Variants in TBC1D22A observed in about 807,000 individuals in gnomAD.
The protein encoded by TBC1D22A is TBC1 domain family member 22A, also known as putative GTPase activator.
In TBC1D22A, 38 loss-of-function variants were observed where a neutral mutation model predicts 60.2. The observed-to-expected ratio is 0.63, with a 90% CI of 0.49 to 0.83. The LOEUF (loss-of-function observed/expected upper bound fraction) is 0.83. Ranked by LOEUF, TBC1D22A falls within the 40% of genes least tolerant of loss-of-function variation. TBC1D22A has a pLI of 0.00. For synonymous variants in TBC1D22A, 302 were observed against 281.7 expected (o/e 1.07, Z -0.72); for missense variants, 628 against 701.0 (o/e 0.90, Z 1.18).
At chr22:46,830,458 G>C (rs925606333) in intron 4 of TBC1D22A, among the ~76,000 whole-genome samples, 3 of 152,248 alleles carry the variant, frequency 2.0e-5, no homozygotes, top group Non-Finnish European at 4.4e-5. Flanking sequence ...GCTGTGAGCA[G>C]CTCTGTGTGT....
intron 5 of TBC1D22A, among the ~76,000 whole-genome samples, chr22:46,884,451 A>G (rs373646002): frequency 1.3e-5 from 2 of 152,200 alleles, no homozygotes; most frequent in South Asian, 4.1e-4. Flanking sequence ...GAGAACAGTA[A>G]GTAACAGGAA....
intron 1 of TBC1D22A, among the ~76,000 whole-genome samples, chr22:46,766,788 G>A (rs967519739): frequency 2.6e-5 from 4 of 151,908 alleles, no homozygotes; most frequent in African/African-American, 4.8e-5. Flanking sequence ...CGCCCGCCTT[G>A]GCCTCCCCAA....
At chr22:47,055,730 T>C (rs1414997753) in intron 11 of TBC1D22A, among the ~76,000 whole-genome samples, 2 of 151,956 alleles carry the variant, frequency 1.3e-5, no homozygotes, top group African/African-American at 2.4e-5. Context: ...TTCTGGCCCC[T>C]TGGGGCCAGG....
rs371232752 is a variant in TBC1D22A, at chr22:46,888,276, C to T, written c.709-2990C>T. Reference sequence around the variant, plus strand: ...GTCCTGAAAGAAGAGGCTTCCCATCCGGACCACAAGGGTTGGGCAGAGGGT... The same window carrying T: ...GTCCTGAAAGAAGAGGCTTCCCATCTGGACCACAAGGGTTGGGCAGAGGGT... On this transcript the variant is annotated intron_variant, in intron 5 of 12. Coordinates refer to ENST00000337137, the MANE Select transcript of TBC1D22A (RefSeq NM_014346.5). Among the ~76,000 whole-genome samples the T allele has an allele frequency of 3.8e-4, 58 of 152,316 alleles. No individual in the cohort carries two copies. In the East Asian group the frequency reaches 6.8e-3, roughly 18 times the overall value.
At chr22:46,920,678 A>C (rs2147838590) in intron 8 of TBC1D22A, among the ~76,000 whole-genome samples, 1 of 152,334 alleles carries the variant, frequency 6.6e-6, no homozygotes, top group East Asian at 1.9e-4. Flanking sequence ...TCCCTACAGA[A>C]AGTTTTTGTG....
rs184231280 is a variant in TBC1D22A at position 46,870,930 on chromosome 22, T to C, written c.638-7723T>C. 2.3e-4 allele frequency among the ~76,000 whole-genome samples: 35 copies of C among 152,280 alleles called. 1 individual carries two copies. Among genetic ancestry groups the C allele is most frequent in the Admixed American group, 2.1e-3 (32 of 15,296 alleles). On this transcript the variant is annotated intron_variant, in intron 4 of 12. Coordinates refer to ENST00000337137, the MANE Select transcript of TBC1D22A (RefSeq NM_014346.5). The stretch of plus-strand genomic sequence containing the variant: ...CACTGGGGATTAACTTTCCAACACA[T>C]GAATTTTTGGAGGGGACAAAAACAT...
At chr22:46,823,783 G>T (rs2085930101) in intron 4 of TBC1D22A, among the ~76,000 whole-genome samples, 1 of 152,226 alleles carries the variant, frequency 6.6e-6, no homozygotes, top group Non-Finnish European at 1.5e-5. Flanking sequence ...CAGCACTTCT[G>T]GGGTAAGAGC....
At position 46,985,965 on chromosome 22, in the gene TBC1D22A, T is replaced by G. The variant is rs545738940; in HGVS notation, c.1125+11566T>G. On this transcript the variant is annotated intron_variant, in intron 9 of 12. Coordinates refer to ENST00000337137, the MANE Select transcript of TBC1D22A (RefSeq NM_014346.5). ...ATCGAATTTATCATTTTTTTTCTTT[T>G]GTGGTAATAGTTTTCTGTGTCCTGC... 2.4e-4 allele frequency among the ~76,000 whole-genome samples: 36 copies of G among 152,352 alleles called. 2 individuals carry two copies. In the South Asian group the frequency reaches 6.0e-3, roughly 25 times the overall value.
At chr22:46,921,764 A>G (rs947687574) in intron 8 of TBC1D22A, among the ~76,000 whole-genome samples, 37 of 149,876 alleles carry the variant, frequency 2.5e-4, no homozygotes, top group African/African-American at 8.6e-4. Flanking sequence ...TTTTTTTTTG[A>G]CTTTTTAATA....
chr22:46,776,854 T>C (rs572807411), intron 1 of TBC1D22A, among the ~76,000 whole-genome samples: 42 of 152,028 alleles, frequency 2.8e-4, no homozygotes, highest in African/African-American at 8.2e-4. Context: ...TGCACAGGCC[T>C]CATAGGACCT....
chr22:46,899,767 C>G (rs2068883425), intron 7 of TBC1D22A, among the ~76,000 whole-genome samples: 1 of 152,060 alleles, frequency 6.6e-6, no homozygotes. Context: ...AAGATGTGTC[C>G]CAGCAGCTGC....
intron 10 of TBC1D22A, among the ~76,000 whole-genome samples, chr22:46,999,628 C>A (rs556971290): frequency 6.6e-6 from 1 of 152,258 alleles, no homozygotes; most frequent in Non-Finnish European, 1.5e-5. Flanking sequence ...TCATCACTTG[C>A]CTCCTAGAGA....
chr22:46,974,707 G>T (rs1472579105), intron 9 of TBC1D22A, among the ~76,000 whole-genome samples: 1 of 152,246 alleles, frequency 6.6e-6, no homozygotes, highest in Non-Finnish European at 1.5e-5. Context: ...CAGGCTCACG[G>T]TAGCTATGTG....
chr22:46,844,602 A>C (rs938553672), intron 4 of TBC1D22A, among the ~76,000 whole-genome samples: 1 of 152,194 alleles, frequency 6.6e-6, no homozygotes, highest in Non-Finnish European at 1.5e-5. Context: ...GGAGCACAGC[A>C]CAGCCAGAGT....
intron 11 of TBC1D22A, among the ~76,000 whole-genome samples, chr22:47,087,956 C>T (rs1256064008): frequency 2.0e-5 from 3 of 152,012 alleles, no homozygotes; most frequent in Non-Finnish European, 4.4e-5. Context: ...GCCTGTAGTT[C>T]CAGCTACTTG....
rs559177229 is a variant in TBC1D22A, at chr22:46,826,187, C to T, written c.637+28567C>T. ...TGAGCCACCACACCCAGCTGGTGGT[C>T]TTCTTTTAACGCTAAACTGTGGCCC... On this transcript the variant is annotated intron_variant, in intron 4 of 12. Transcript: ENST00000337137. 2.0e-5 allele frequency among the ~76,000 whole-genome samples: 3 copies of T among 152,306 alleles called. No individual in the cohort carries two copies. The East Asian group carries it at 5.8e-4, about 29-fold the overall frequency.
chr22:46,907,992 T>C (rs548472729), intron 7 of TBC1D22A, among the ~76,000 whole-genome samples: 2 of 152,276 alleles, frequency 1.3e-5, no homozygotes, highest in East Asian at 1.9e-4. Context: ...AGAGCACCCA[T>C]TGCCGGCGAG....
intron 1 of TBC1D22A, among the ~76,000 whole-genome samples, chr22:46,774,645 G>A (rs1243566097): frequency 3.9e-5 from 6 of 152,226 alleles, no homozygotes; most frequent in Admixed American, 3.9e-4. Flanking sequence ...GGCCTGCAGT[G>A]GGGAAGGTGG....
At chr22:47,138,235 G>A (rs1399135930) in intron 12 of TBC1D22A, among the ~76,000 whole-genome samples, 1 of 152,220 alleles carries the variant, frequency 6.6e-6, no homozygotes, top group Non-Finnish European at 1.5e-5. Flanking sequence ...CAGCATCTGT[G>A]CCCCAGCCTC....
Sources: gnomAD v4.1 joint callset for allele counts (sites outside exome capture counted in the v4.1 genomes callset) on GRCh38, gnomAD v4.1.1 for gene constraint, MANE v1.5 for transcripts, NCBI Gene and HGNC (gene_info 2026-07-23, HGNC 2026-07-21) for gene names.